The following CCSER2 variants were observed in gnomAD, a reference collection of about 807,000 sequenced individuals.
CCSER2 encodes the protein serine-rich coiled-coil domain-containing protein 2.
CCSER2 carries 46 observed loss-of-function variants against 92.3 expected under a neutral mutation model. The observed-to-expected ratio is 0.50, with a 90% confidence interval of 0.39 to 0.64. The LOEUF (loss-of-function observed/expected upper bound fraction) is 0.64. CCSER2 is among the 30% of genes least tolerant of loss of function. The pLI is 0.00. For synonymous variants in CCSER2, 433 were observed against 431.4 expected, an observed-to-expected ratio of 1.00 and a Z score of -0.04; for missense variants, 1,244 against 1,238.9, an observed-to-expected ratio of 1.00 and a Z score of -0.06.
chr10:84,503,995 A>G (rs910656135), intron 9 of CCSER2, among the ~76,000 whole-genome samples: 1 of 152,222 alleles, frequency 6.6e-6, no homozygotes, highest in African/African-American at 2.4e-5. Flanking sequence ...ACAGCCCAGT[A>G]TACATTTACT....
At chr10:84,449,876 A>G (rs1279859591) in intron 6 of CCSER2, among the ~76,000 whole-genome samples, 4 of 152,116 alleles carry the variant, frequency 2.6e-5, no homozygotes, top group Non-Finnish European at 5.9e-5. Context: ...CAAAAAACAC[A>G]TTAAATTGCT....
intron 1 of CCSER2, among the ~76,000 whole-genome samples, chr10:84,351,161 A>G (rs529454252): frequency 5.3e-5 from 8 of 151,882 alleles, no homozygotes; most frequent in Admixed American, 1.3e-4. Context: ...GATGAAATTT[A>G]GAAGGGTACA....
rs1846032336 is a variant in CCSER2, at chr10:84,371,004, C to G, written c.-39-10C>G. The G allele has an allele frequency of 8.3e-7, 1 of 1,202,732 alleles. No individual in the cohort carries two copies. Among genetic ancestry groups the G allele is most frequent in the Non-Finnish European group, 1.2e-6 (1 of 866,196 alleles). The allele number at this position is 1,202,732 out of a possible 1,614,324, so 74.5% of individuals were successfully genotyped here. A position where few individuals can be genotyped will look rare whatever the true frequency, so the allele number is the denominator to read the frequency against. The stretch of plus-strand genomic sequence containing the variant: ...GGAATGTTTAATGTACTTCTTTTTT[C>G]TCTTCACAGATTCTTTCAACTTTTA... On this transcript the variant is annotated splice_polypyrimidine_tract_variant and intron_variant, in intron 1 of 9. Coordinates refer to ENST00000372088, the MANE Select transcript of CCSER2 (RefSeq NM_001284240.2).
chr10:84,412,497 A>T (rs1420271467), intron 3 of CCSER2, among the ~76,000 whole-genome samples: 1 of 151,744 alleles, frequency 6.6e-6, no homozygotes, highest in Non-Finnish European at 1.5e-5. Context: ...CTGTTCAGGG[A>T]ATCAGTTTCT....
chr10:84,330,372 G>GTTC (rs1339341557), intron 1 of CCSER2, among the ~76,000 whole-genome samples: 1 of 152,168 alleles, frequency 6.6e-6, no homozygotes, highest in Non-Finnish European at 1.5e-5. Flanking sequence ...TGCCCTTGAA[G>GTTC]ACCTTACGAA....
intron 3 of CCSER2, chr10:84,391,854 T>C (rs905770838): frequency 4.0e-6 from 6 of 1,486,258 alleles, no homozygotes; most frequent in Admixed American, 3.4e-5. Flanking sequence ...ATCCCAGTAG[T>C]GTAATCCAAG....
chr10:84,482,456 A>G (rs1847513498), intron 9 of CCSER2, among the ~76,000 whole-genome samples: 1 of 152,236 alleles, frequency 6.6e-6, no homozygotes, highest in Admixed American at 6.5e-5. Flanking sequence ...AGCATAGTGT[A>G]CAGATCCATG....
At chr10:84,421,317 A>C (rs2133409186) in intron 4 of CCSER2, among the ~76,000 whole-genome samples, 1 of 152,324 alleles carries the variant, frequency 6.6e-6, no homozygotes, top group South Asian at 2.1e-4. Context: ...GCTGCTATAA[A>C]GAACTGCCTG....
intron 3 of CCSER2, among the ~76,000 whole-genome samples, chr10:84,398,922 C>T (rs1041273359): frequency 1.2e-4 from 18 of 152,198 alleles, no homozygotes; most frequent in African/African-American, 4.1e-4. Context: ...TGCCTGTATT[C>T]TGGTGATGTT....
intron 9 of CCSER2, among the ~76,000 whole-genome samples, chr10:84,477,939 A>C (rs1010519891): frequency 6.6e-6 from 1 of 152,172 alleles, no homozygotes; most frequent in African/African-American, 2.4e-5. Context: ...TTATTGCATG[A>C]TTTATGAGAG....
At chr10:84,390,279 T>G (rs1841450104) in intron 3 of CCSER2, among the ~76,000 whole-genome samples, 1 of 152,190 alleles carries the variant, frequency 6.6e-6, no homozygotes, top group African/African-American at 2.4e-5. Context: ...CTTAAAATAT[T>G]TACAGTTATG....
At chr10:84,391,195 C>A in intron 3 of CCSER2, 1 of 944,176 alleles carries the variant, frequency 1.1e-6, no homozygotes, top group Non-Finnish European at 1.8e-6. Flanking sequence ...TGGCTTTCTT[C>A]CATACTGTGA....
At chr10:84,428,696 A>G (rs1843579200) in intron 5 of CCSER2, among the ~76,000 whole-genome samples, 1 of 152,126 alleles carries the variant, frequency 6.6e-6, no homozygotes, top group Non-Finnish European at 1.5e-5. Context: ...TGGGGGGAAA[A>G]TAAATATTTT....
chr10:84,332,269 C>T (rs1017384704), intron 1 of CCSER2, among the ~76,000 whole-genome samples: 4 of 151,238 alleles, frequency 2.6e-5, no homozygotes, highest in Non-Finnish European at 5.9e-5. Flanking sequence ...TTTATTTGTC[C>T]ATCGTCCATA....
intron 3 of CCSER2, among the ~76,000 whole-genome samples, chr10:84,382,679 C>T (rs1334103545): frequency 6.6e-6 from 1 of 152,178 alleles, no homozygotes; most frequent in Non-Finnish European, 1.5e-5. Flanking sequence ...TAAATCATCA[C>T]ATGGAGTGCC....
chr10:84,345,248 T>C (rs1244016081), intron 1 of CCSER2, among the ~76,000 whole-genome samples: 2 of 152,216 alleles, frequency 1.3e-5, no homozygotes, highest in African/African-American at 2.4e-5. Context: ...TTGCAAATTA[T>C]CACGTGCATT....
chr10:84,445,048 C>T (rs1044851877), intron 6 of CCSER2, among the ~76,000 whole-genome samples: 27 of 152,200 alleles, frequency 1.8e-4, no homozygotes, highest in African/African-American at 6.5e-4. Flanking sequence ...CTTAATACCT[C>T]TGTATAGTTT....
At chr10:84,413,861 T>C (rs1048498103) in intron 3 of CCSER2, among the ~76,000 whole-genome samples, 3 of 152,234 alleles carry the variant, frequency 2.0e-5, no homozygotes, top group Non-Finnish European at 4.4e-5. Context: ...ATAAGATAGT[T>C]AGCTCTTCTT....
chr10:84,437,581 A>G (rs1006551927), intron 5 of CCSER2, among the ~76,000 whole-genome samples: 8 of 152,142 alleles, frequency 5.3e-5, no homozygotes, highest in East Asian at 1.9e-4. Context: ...TTAAATTGCT[A>G]TAACTATGAC....
Sources: allele counts gnomAD v4.1 joint callset (sites outside exome capture counted in the v4.1 genomes callset), GRCh38; gene constraint gnomAD v4.1.1; transcripts MANE v1.5; gene names NCBI Gene and HGNC (gene_info 2026-07-23, HGNC 2026-07-21).